The following RRP12 variants were observed in gnomAD, a reference collection of about 807,000 sequenced individuals.
RRP12 encodes ribosomal RNA processing 12 homolog, also known as RRP12-like protein.
A neutral mutation model predicts 157.3 loss-of-function variants in RRP12; 78 were observed. The observed-to-expected ratio is 0.50, with a 90% CI of 0.41 to 0.60. The LOEUF (loss-of-function observed/expected upper bound fraction) is 0.60. Among genes scored for constraint, RRP12 ranks in the 20% least tolerant of loss-of-function variants. RRP12 has a pLI of 0.00. For synonymous variants in RRP12, 726 were observed against 670.9 expected, an observed-to-expected ratio of 1.08 and a Z score of -1.27; for missense variants, 1,521 against 1,679.9, an observed-to-expected ratio of 0.91 and a Z score of 1.65.
Position 97,400,392 on chromosome 10 carries a change from G to A in RRP12, c.282C>T (p.Thr94=), listed in dbSNP as rs1016279993. The A allele has an allele frequency of 6.2e-7, 1 of 1,614,050 alleles. No homozygotes were observed. The highest frequency in any genetic ancestry group is 8.5e-7 in the Non-Finnish European group (1 of 1,180,006). ...ELVLTEKSSG[T]FLSGLSDCTN... ...TGCAGTCGGAAAGGCCACTCAGGAA[G>A]GTACCCGAGGACTTCTCGGTGAGAA... Residue 94 remains threonine, a synonymous_variant, in exon 2 of 34, where the codon ACC becomes ACT. Coordinates refer to ENST00000370992, the MANE Select transcript of RRP12 (RefSeq NM_015179.4).
chr10:97,393,366 T>C (rs1844863270), intron 4 of RRP12: 2 of 513,344 alleles, frequency 3.9e-6, no homozygotes, highest in African/African-American at 1.9e-5. Context: ...ATAACAACTT[T>C]AGATCTCACA....
intron 19 of RRP12, 44 bp downstream of exon 19, chr10:97,372,692 C>A (rs1345131995): frequency 6.7e-7 from 1 of 1,500,964 alleles, no homozygotes; most frequent in African/African-American, 1.4e-5. Flanking sequence ...CCCTCCAGCT[C>A]CCTGGGCTGC....
intron 13 of RRP12, among the ~76,000 whole-genome samples, chr10:97,380,085 G>A (rs1001962129): frequency 1.3e-5 from 2 of 152,226 alleles, no homozygotes; most frequent in African/African-American, 2.4e-5. Context: ...CAGGCGCTGA[G>A]GAGACAGAGG....
intron 1 of RRP12, 34 bp from the exon 2 acceptor site, chr10:97,400,568 C>T: frequency 6.4e-6 from 10 of 1,568,980 alleles, no homozygotes; most frequent in Non-Finnish European, 8.7e-6. Context: ...AGGTCCAAGC[C>T]TCCTTTTGGT....
chr10:97,371,341 C>A (rs1052428060), intron 20 of RRP12: 28 of 522,148 alleles, frequency 5.4e-5, no homozygotes, highest in Non-Finnish European at 8.6e-5. Flanking sequence ...GGCCTGAGCT[C>A]ATGGTGCCTG....
In RRP12 at chr10:97,366,462, C is replaced by T; in HGVS notation, c.3375G>A (p.Val1125=). 1 of 1,612,106 alleles carries T rather than the reference C, an allele frequency of 6.2e-7. No individual in the cohort carries two copies. The highest frequency in any genetic ancestry group is 8.5e-7 in the Non-Finnish European group (1 of 1,179,048). ...DEPLNFLDPK[V]AQRVLATQPG... ...TGTGCTTACCCAGGACTCGTTGGGCCACCTTGGGATCCAGGAAGTTGAGGG... is the reference window on the plus strand; with the variant it reads ...TGTGCTTACCCAGGACTCGTTGGGCTACCTTGGGATCCAGGAAGTTGAGGG... Residue 1125 remains valine (V), a synonymous_variant, in exon 28 of 34, where the codon GTG becomes GTA. Coordinates refer to ENST00000370992, the MANE Select transcript of RRP12 (RefSeq NM_015179.4).
At chr10:97,391,763 TACAA>T (rs1844810464) in intron 4 of RRP12, among the ~76,000 whole-genome samples, 1 of 151,662 alleles carries the variant, frequency 6.6e-6, no homozygotes, top group Non-Finnish European at 1.5e-5. Flanking sequence ...CTACTAAAAA[TACAA>T]ACAATTAGCC....
chr10:97,365,003 C>T (rs1013548078), intron 29 of RRP12, among the ~76,000 whole-genome samples: 3 of 152,148 alleles, frequency 2.0e-5, no homozygotes, highest in African/African-American at 7.2e-5. Flanking sequence ...GGCACATGTA[C>T]ACCAAGTACA....
At chr10:97,390,925 C>T in intron 4 of RRP12, 81 bp from the exon 5 acceptor site, 3 of 928,276 alleles carry the variant, frequency 3.2e-6, no homozygotes, top group Non-Finnish European at 5.4e-6. Flanking sequence ...CTAAGGAGGA[C>T]AGGGCAAGGG....
Position 97,370,703 on chromosome 10 carries a change from C to T in RRP12, c.2583+13G>A. On this transcript the variant is annotated intron_variant, in intron 22 of 33. Transcript: ENST00000370992. ...TCCAGGGACCCCCCTCTAAAACACA[C>T]CCGCACACTCACCTCTGGGATGAGG... 1 of 1,613,840 alleles carries T rather than the reference C, an allele frequency of 6.2e-7. No individual in the cohort carries two copies.
rs763769494 is a variant in RRP12 at position 97,381,753 on chromosome 10, G to A, written c.1282C>T (p.His428Tyr). ...GTAVTCLLSP[H>Y]SQVLTAATQS... ...GTAGCAGCAGTCAGCACTTGCGAGT[G>A]TGGGGAAAGGAGGCAGGTCACCGCA... The change falls in exon 11 of 34, where the codon CAC becomes TAC. Residue 428 changes from histidine to tyrosine, a missense_variant. His to Tyr is a moderately conservative substitution (Grantham distance 83). Transcript: ENST00000370992. The A allele has an allele frequency of 3.4e-5, 55 of 1,614,094 alleles. No individual in the cohort carries two copies. In the South Asian group the frequency reaches 6.0e-4, roughly 18 times the overall value.
chr10:97,372,298 A>C (rs1257260168), intron 19 of RRP12, 132 bp from the exon 20 acceptor site: 2 of 607,248 alleles, frequency 3.3e-6, no homozygotes, highest in Admixed American at 2.9e-5. Flanking sequence ...GAAGGAGCTC[A>C]TGAACAATAA....
intron 4 of RRP12, chr10:97,393,406 C>T: frequency 1.7e-6 from 1 of 594,432 alleles, no homozygotes. Flanking sequence ...TGCCTGGACA[C>T]ACACCACGTG....
rs1297902449 is a variant in RRP12 at position 97,379,526 on chromosome 10, G to A, written c.1676+102C>T. 2.5e-6 allele frequency: 4 copies of A among 1,588,636 alleles called. No homozygotes were observed. In the East Asian group the frequency reaches 9.0e-5, roughly 36 times the overall value. ...GACCTCCTCTGGCCCCTCCTGCTGA[G>A]CCCTGCACTGACACAGACTTTAGCC... On this transcript the variant is annotated intron_variant, in intron 14 of 33. Coordinates refer to ENST00000370992, the MANE Select transcript of RRP12 (RefSeq NM_015179.4).
chr10:97,366,236 G>A lies in RRP12; in HGVS notation c.3392-3C>T, dbSNP rs1843975542. 1.2e-6 allele frequency: 2 copies of A among 1,611,060 alleles called. No homozygotes were observed. The highest frequency in any genetic ancestry group is 1.3e-5 in the African/African-American group (1 of 74,834). On this transcript the variant is annotated splice_region_variant and splice_polypyrimidine_tract_variant and intron_variant, in intron 28 of 33. Transcript: ENST00000370992. ...CCGGCCTGGCCCTGGCTGCGTGGCT[G>A]GGGTGTAGAGTTTGGCATGAGGAGG...
intron 19 of RRP12, 70 bp from the exon 20 acceptor site, chr10:97,372,236 C>T (rs968119946): frequency 1.1e-5 from 14 of 1,221,374 alleles, no homozygotes; most frequent in Middle Eastern, 1.9e-4. Flanking sequence ...AGTGTTCTTA[C>T]GTCTACTGGG....
At chr10:97,359,084 C>T in intron 31 of RRP12, 74 bp from the exon 32 acceptor site, 1 of 1,144,326 alleles carries the variant, frequency 8.7e-7, no homozygotes, top group Non-Finnish European at 1.3e-6. Flanking sequence ...TGGGCACCCT[C>T]TCTGAGAGAG....
At position 97,393,764 on chromosome 10, in the gene RRP12, AG is replaced by A. The variant is rs780582531; in HGVS notation, c.454-5del. On this transcript the variant is annotated splice_region_variant and splice_polypyrimidine_tract_variant and intron_variant, in intron 3 of 33. Coordinates refer to ENST00000370992, the MANE Select transcript of RRP12 (RefSeq NM_015179.4). ...CCACTGCTTCCATTGTTGTCATCTG[AG>A]GGCCAGATTGAGGGGGTTTGAATGG... 6.2e-7 allele frequency: 1 copy of A among 1,613,500 alleles called. No homozygotes were observed. The highest frequency in any genetic ancestry group is 8.5e-7 in the Non-Finnish European group (1 of 1,179,636).
Position 97,381,488 on chromosome 10 carries a change from G to A in RRP12, c.1321-5C>T, listed in dbSNP as rs1399130129. 13 of 1,604,370 alleles carry A rather than the reference G, an allele frequency of 8.1e-6. No homozygotes were observed. The highest frequency in any genetic ancestry group is 2.2e-5 in the South Asian group (2 of 89,416). ...CACGCATTCCTTCAGGATCTCCTGC[G>A]AAGAGAGGCCACAGGCTTTCTGGGC... On this transcript the variant is annotated splice_region_variant and splice_polypyrimidine_tract_variant and intron_variant, in intron 11 of 33. Transcript: ENST00000370992.
Sources: gnomAD v4.1 joint callset for allele counts (sites outside exome capture counted in the v4.1 genomes callset) on GRCh38, gnomAD v4.1.1 for gene constraint, MANE v1.5 for transcripts, NCBI Gene and HGNC (gene_info 2026-07-23, HGNC 2026-07-21) for gene names.